Variants in UBR4 observed in about 807,000 individuals in gnomAD.
UBR4 encodes ubiquitin protein ligase E3 component n-recognin 4, also known as E3 ubiquitin-protein ligase UBR4.
A neutral mutation model predicts 575.6 loss-of-function variants in UBR4; 124 were observed. The observed-to-expected ratio is 0.22, with a 90% confidence interval of 0.19 to 0.25. UBR4 has a LOEUF of 0.25. Among genes scored for constraint, UBR4 ranks in the 10% least tolerant of loss-of-function variants. The pLI is 1.00. For missense variants in UBR4, 4,818 were observed against 6,478.8 expected (o/e 0.74, Z 8.80); for synonymous variants, 2,455 against 2,473.7 (o/e 0.99, Z 0.22).
At chr1:19,193,645 G>C (rs1279244838) in intron 8 of UBR4, 88 bp from the exon 9 acceptor site, 2 of 1,475,292 alleles carry the variant, frequency 1.4e-6, no homozygotes, top group Middle Eastern at 3.9e-4. Context: ...CCACCCACAA[G>C]CAATTCCATG....
At chr1:19,113,239 C>T (rs553612959) in intron 77 of UBR4, 1 of 267,458 alleles carries the variant, frequency 3.7e-6, no homozygotes, top group African/African-American at 2.2e-5. Context: ...GTACCTCTGT[C>T]TATGGCCAGC....
chr1:19,141,904 G>T, intron 55 of UBR4, 127 bp from the exon 56 acceptor site: 1 of 1,328,912 alleles, frequency 7.5e-7, no homozygotes, highest in Non-Finnish European at 1.0e-6. Context: ...TTTAGCGGGA[G>T]AACTCCGGGG....
chr1:19,189,518 T>A (rs1348083971), intron 11 of UBR4, among the ~76,000 whole-genome samples: 1 of 152,242 alleles, frequency 6.6e-6, no homozygotes, highest in Non-Finnish European at 1.5e-5. Context: ...ACTGAAAAGA[T>A]GATGCAGTAT....
At chr1:19,076,658 G>C (rs1038575442) in intron 105 of UBR4, 82 bp downstream of exon 105, 1 of 1,588,278 alleles carries the variant, frequency 6.3e-7, no homozygotes, top group Non-Finnish European at 8.6e-7. Context: ...TGGTCGTGAA[G>C]ATAAAGCTAC....
At chr1:19,160,075 C>T (rs1367853112) in intron 39 of UBR4, 36 bp downstream of exon 39, 1 of 1,592,858 alleles carries the variant, frequency 6.3e-7, no homozygotes. Context: ...TGTTGGTTCC[C>T]ACAGCCACCA....
intron 83 of UBR4, among the ~76,000 whole-genome samples, chr1:19,106,260 G>C (rs1358569446): frequency 1.3e-5 from 2 of 152,080 alleles, no homozygotes; most frequent in Admixed American, 1.3e-4. Context: ...GCTAGAGAGA[G>C]GAGGGAGAGA....
intron 1 of UBR4, among the ~76,000 whole-genome samples, chr1:19,209,342 TC>T (rs1461194042): frequency 6.6e-6 from 1 of 152,226 alleles, no homozygotes; most frequent in Non-Finnish European, 1.5e-5. Context: ...GAGATCACCA[TC>T]TTTGTACCTA....
Position 19,110,216 on chromosome 1 carries a change from G to T in UBR4, c.11985C>A (p.Ser3995Arg). Residue 3995 changes from serine (S) to arginine (R), a missense_variant, in exon 81 of 106, where the codon AGC becomes AGA. Physicochemically the swap from Ser to Arg is moderately radical, Grantham distance 110. This residue lies in a region of UBR4 where 333 missense variants were observed against 459.2 expected (regional missense o/e 0.73). Coordinates refer to ENST00000375254, the MANE Select transcript of UBR4 (RefSeq NM_020765.3). This position sits in a 1 kb window ranked among gnomAD's most constrained non-coding sequence, Gnocchi z 4.5. ...CWELRLRCAL[S>R]LFLMAVNIKT... is the part of the protein sequence containing the mutation. ...TAATGTTCACAGCCATGAGGAAAAG[G>T]CTGAGAGCTAGGGATGGTCAGGAAA... 1 of 1,614,208 alleles carries T rather than the reference G, an allele frequency of 6.2e-7. No homozygotes were observed. Among genetic ancestry groups the T allele is most frequent in the Non-Finnish European group, 8.5e-7 (1 of 1,180,026 alleles).
chr1:19,158,817 A>G (rs572973585), intron 39 of UBR4, among the ~76,000 whole-genome samples: 2 of 152,188 alleles, frequency 1.3e-5, no homozygotes, highest in South Asian at 4.1e-4. Context: ...ATGTATGTGT[A>G]TATTTCCAAC....
At chr1:19,150,949 G>A (rs1023928308) in intron 48 of UBR4, 156 bp from the exon 49 acceptor site, 16 of 746,948 alleles carry the variant, frequency 2.1e-5, no homozygotes, top group Admixed American at 1.1e-4. Flanking sequence ...CACTTTAATC[G>A]TGTATATATG....
At position 19,157,016 on chromosome 1, in the gene UBR4, A is replaced by C; in HGVS notation, c.5761-91T>G. The C allele has an allele frequency of 1.4e-6, 2 of 1,422,802 alleles. No homozygotes were observed. The highest frequency in any genetic ancestry group is 9.5e-7 in the Non-Finnish European group (1 of 1,057,110). The allele number at this position is 1,422,802 out of a possible 1,614,324, so 88.1% of individuals were successfully genotyped here. A position where few individuals can be genotyped will look rare whatever the true frequency, so the allele number is the denominator to read the frequency against. ...CAAAAACTCTTTCAATAGGGATAAC[A>C]GGTTGCACACTTTTTTCTTTACAGA... is the stretch of plus-strand genomic sequence containing the variant. On this transcript the variant is annotated intron_variant, in intron 40 of 105. Transcript: ENST00000375254. This position sits in a 1 kb window ranked among gnomAD's most constrained non-coding sequence, Gnocchi z 4.4.
At chr1:19,154,120 A>G (rs2086106161) in intron 44 of UBR4, among the ~76,000 whole-genome samples, 181 bp from the exon 45 acceptor site, 1 of 152,182 alleles carries the variant, frequency 6.6e-6, no homozygotes, top group South Asian at 2.1e-4. Flanking sequence ...ATACACCCCA[A>G]TGCGTGCTTA....
intron 60 of UBR4, among the ~76,000 whole-genome samples, chr1:19,136,021 G>A (rs977824165): frequency 4.6e-5 from 7 of 152,134 alleles, no homozygotes; most frequent in South Asian, 2.1e-4. Flanking sequence ...TAACAAAAGC[G>A]AGGAAATAAC....
chr1:19,125,316 A>G (rs2081602518), intron 64 of UBR4, among the ~76,000 whole-genome samples: 1 of 152,240 alleles, frequency 6.6e-6, no homozygotes, highest in Non-Finnish European at 1.5e-5. Flanking sequence ...TCAGTTCTGT[A>G]TCAAGCACTG....
chr1:19,126,282 AGTG>A (rs2081773860), intron 64 of UBR4, among the ~76,000 whole-genome samples, 161 bp downstream of exon 64: 1 of 152,198 alleles, frequency 6.6e-6, no homozygotes, highest in Non-Finnish European at 1.5e-5. Flanking sequence ...GGTTGGGAGA[AGTG>A]GTCATTTATT....
intron 105 of UBR4, chr1:19,075,494 A>G: frequency 6.2e-6 from 1 of 160,434 alleles, no homozygotes; most frequent in Non-Finnish European, 1.4e-5. Flanking sequence ...CTAAGGTATG[A>G]TGCTGGTGAA....
At chr1:19,121,157 T>G (rs1171887040) in intron 68 of UBR4, 32 bp downstream of exon 68, 1 of 1,607,510 alleles carries the variant, frequency 6.2e-7, no homozygotes, top group Non-Finnish European at 8.5e-7. Context: ...CATACATCAT[T>G]GTAGTCACAA....
rs1258297170 is a variant in UBR4 at position 19,153,947 on chromosome 1, CA to C, written c.6459-9del. On this transcript the variant is annotated splice_polypyrimidine_tract_variant and intron_variant, in intron 44 of 105. Coordinates refer to ENST00000375254, the MANE Select transcript of UBR4 (RefSeq NM_020765.3). This position sits in a 1 kb window ranked among gnomAD's most constrained non-coding sequence, Gnocchi z 4.1. The stretch of plus-strand genomic sequence containing the variant: ...TTACTGCCACCATTGGAACTGCAGA[CA>C]ACAAAACTGGCCACAGTTAGAGTGT... The C allele has an allele frequency of 1.9e-6, 3 of 1,611,422 alleles. No individual in the cohort carries two copies. The Admixed American group carries it at 5.1e-5, about 27-fold the overall frequency.
intron 74 of UBR4, 63 bp downstream of exon 74, chr1:19,115,335 C>G: frequency 6.3e-7 from 1 of 1,579,430 alleles, no homozygotes; most frequent in Non-Finnish European, 8.6e-7. Context: ...CACACTGACA[C>G]TACTACAGAA....
Sources: allele counts gnomAD v4.1 joint callset (sites outside exome capture counted in the v4.1 genomes callset), GRCh38; gene constraint gnomAD v4.1.1; regional missense constraint gnomAD v4.1.1; non-coding constraint Gnocchi (gnomAD v3.1); transcripts MANE v1.5; gene names NCBI Gene and HGNC (gene_info 2026-07-23, HGNC 2026-07-21).